Variants in FLT4 observed in about 807,000 individuals in gnomAD.
FLT4 encodes the protein vascular endothelial growth factor receptor 3.
A neutral mutation model predicts 163.2 loss-of-function variants in FLT4; 30 were observed. The ratio of observed to expected loss-of-function variants is 0.18; its 90% confidence interval spans 0.14 to 0.25. The LOEUF (loss-of-function observed/expected upper bound fraction) is 0.25, where lower values mean the gene tolerates loss of function less well. Among genes scored for constraint, FLT4 ranks in the 10% least tolerant of loss-of-function variants. The pLI, the probability that FLT4 is intolerant of heterozygous loss-of-function variation, is 1.00. For missense variants in FLT4, 1,510 were observed against 1,863.8 expected (o/e 0.81, Z 3.50); for synonymous variants, 884 against 789.5 (o/e 1.12, Z -2.01).
chr5:180,645,417 C>A (rs971732465), intron 1 of FLT4, among the ~76,000 whole-genome samples: 3 of 152,222 alleles, frequency 2.0e-5, no homozygotes, highest in Admixed American at 1.3e-4. Flanking sequence ...GCAGGACGAG[C>A]GGCGTTATCA....
At position 180,629,972 on chromosome 5, in the gene FLT4, A is replaced by G. The variant is rs1277210047; in HGVS notation, c.647T>C (p.Leu216Pro). The change falls in exon 5 of 30, where the codon CTT becomes CCT. Residue 216 changes from leucine to proline, a missense_variant. Physicochemically the swap from Leu to Pro is moderately conservative, Grantham distance 98. This residue lies in a region of FLT4 where 163 missense variants were observed against 281.1 expected (regional missense o/e 0.58). Transcript: ENST00000261937. ...GATGTGCACCAGGAAGGGGTTGGAA[A>G]GGAAGTCCTGGTCTCCCCAGGTGGT... is the stretch of plus-strand genomic sequence containing the variant. ...CETTWGDQDF[L>P]SNPFLVHITG... 6.2e-7 allele frequency: 1 copy of G among 1,612,764 alleles called. No homozygotes were observed. The highest frequency in any genetic ancestry group is 8.5e-7 in the Non-Finnish European group (1 of 1,180,030).
In FLT4 at chr5:180,620,584, A is replaced by G; in HGVS notation, c.2406+25T>C. ...GTGGGGAAGGCCTGAGAGAGACTCC[A>G]TCAGGAGCGGGGAGGGACACTCACC... On this transcript the variant is annotated intron_variant, in intron 16 of 29. Coordinates refer to ENST00000261937, the MANE Select transcript of FLT4 (RefSeq NM_182925.5). The surrounding 1 kb of genome is among the most constrained non-coding windows in gnomAD (Gnocchi z 4.4). 1.3e-6 allele frequency: 2 copies of G among 1,529,500 alleles called. No individual in the cohort carries two copies. Among genetic ancestry groups the G allele is most frequent in the Admixed American group, 1.7e-5 (1 of 59,816 alleles). 94.7% of individuals were successfully genotyped at this position (1,529,500 alleles called of 1,614,324 possible). A position where few individuals can be genotyped will look rare whatever the true frequency, so the allele number is the denominator to read the frequency against.
rs1763053001 is a variant in FLT4 at position 180,620,613 on chromosome 5, C to T, written c.2402G>A (p.Arg801Lys). 6.2e-7 allele frequency: 1 copy of T among 1,609,492 alleles called. No individual in the cohort carries two copies. Among genetic ancestry groups the T allele is most frequent in the African/African-American group, 1.3e-5 (1 of 74,808 alleles). ...VLLLLIFCNM[R>K]RPAHADIKTG... ...GGAGCGGGGAGGGACACTCACCCTCCTCATGTTACAGAAGATGAGGAGGAG... is the reference window on the plus strand; with the variant it reads ...GGAGCGGGGAGGGACACTCACCCTCTTCATGTTACAGAAGATGAGGAGGAG... The change falls in exon 16 of 30, where the codon AGG becomes AAG. Residue 801 changes from arginine to lysine, a missense_variant. Physicochemically the swap from Arg to Lys is conservative, Grantham distance 26. This residue lies in a region of FLT4 where 878 missense variants were observed against 1,016.7 expected (regional missense o/e 0.86). Transcript: ENST00000261937. This position sits in a 1 kb window ranked among gnomAD's most constrained non-coding sequence, Gnocchi z 4.4.
intron 24 of FLT4, 153 bp downstream of exon 24, chr5:180,613,915 G>A (rs1226795382): frequency 7.1e-6 from 5 of 703,438 alleles, no homozygotes; most frequent in Middle Eastern, 2.5e-4. Context: ...GGGGAGAGGT[G>A]GGGGGCCCTT....
rs1761564469 is a variant in FLT4, at chr5:180,602,474, C to T, written c.*718G>A. 1 of 397,578 alleles carries T rather than the reference C, an allele frequency of 2.5e-6. No homozygotes were observed. Among genetic ancestry groups the T allele is most frequent in the Non-Finnish European group, 4.4e-6 (1 of 225,752 alleles). 24.6% of individuals were successfully genotyped at this position (397,578 alleles called of 1,614,324 possible). On this transcript the variant is annotated 3_prime_UTR_variant, in exon 30 of 30. Coordinates refer to ENST00000261937, the MANE Select transcript of FLT4 (RefSeq NM_182925.5). ...GGCTGAATTCGGAAAGCAAATTCTTCTCAGCAGCTCTAACAGTCTGTGAAG... is the reference window on the plus strand; with the variant it reads ...GGCTGAATTCGGAAAGCAAATTCTTTTCAGCAGCTCTAACAGTCTGTGAAG...
rs201381663 is a variant in FLT4 at position 180,603,233 on chromosome 5, G to A, written c.4051C>T (p.Pro1351Ser). ...SEPSEEDHCS[P>S]SARVTFFTDN... ...GTGAAGAAAGTCACGCGGGCAGACGGGGAGCAGTGGTCCTCCTCGCTTGGC... is the reference window on the plus strand; with the variant it reads ...GTGAAGAAAGTCACGCGGGCAGACGAGGAGCAGTGGTCCTCCTCGCTTGGC... Residue 1351 changes from proline (P) to serine (S), a missense_variant, in exon 30 of 30, where the codon CCG becomes TCG. Around this residue, in one of 5 missense-constraint regions of FLT4, gnomAD observed 295 missense variants for 311.0 expected, o/e 0.95. Transcript: ENST00000261937. The A allele has an allele frequency of 1.5e-5, 25 of 1,614,034 alleles. No homozygotes were observed. The highest frequency in any genetic ancestry group is 1.9e-5 in the Non-Finnish European group (22 of 1,180,046).
chr5:180,631,914 CGTGGCCTGGCCTCA>C (rs530190213), intron 1 of FLT4, 136 bp from the exon 2 acceptor site: 389,802 of 678,414 alleles, frequency 0.57, 113,432 homozygotes, highest in Admixed American at 0.64. Flanking sequence ...GCCAGCACCG[CGTGGCCTGGCCTCA>C]CCATGTGCGC....
At chr5:180,622,600 T>G in intron 12 of FLT4, 131 bp downstream of exon 12, 1 of 697,896 alleles carries the variant, frequency 1.4e-6, no homozygotes, top group Non-Finnish European at 2.6e-6. Flanking sequence ...AAATCTATTT[T>G]TCCTGTCTAC....
intron 1 of FLT4, among the ~76,000 whole-genome samples, chr5:180,640,278 C>A (rs1765006641): frequency 6.6e-6 from 1 of 152,226 alleles, no homozygotes; most frequent in Admixed American, 6.5e-5. Context: ...GGCTCAACAG[C>A]CAGGTCAGCG....
upstream of FLT4, chr5:180,649,725 C>CCGGTGCACCCGAG (rs1430451525): frequency 5.4e-6 from 1 of 186,412 alleles, no homozygotes; most frequent in African/African-American, 2.4e-5. Flanking sequence ...CGCGGGGCGT[C>CCGGTGCACCCGAG]CGGTGCACCC....
chr5:180,619,635 G>T (rs2127809306), intron 18 of FLT4, 30 bp downstream of exon 18: 1 of 1,559,250 alleles, frequency 6.4e-7, no homozygotes, highest in East Asian at 2.2e-5. Context: ...TCACCAGCTA[G>T]GCTGCCCCTT....
chr5:180,602,510 A>G lies in FLT4; in HGVS notation c.*682T>C. 1 of 398,832 alleles carries G rather than the reference A, an allele frequency of 2.5e-6. No individual in the cohort carries two copies. Among genetic ancestry groups the G allele is most frequent in the Non-Finnish European group, 4.4e-6 (1 of 226,598 alleles). 24.7% of individuals were successfully genotyped at this position (398,832 alleles called of 1,614,324 possible). On this transcript the variant is annotated 3_prime_UTR_variant, in exon 30 of 30. Coordinates refer to ENST00000261937, the MANE Select transcript of FLT4 (RefSeq NM_182925.5). ...TAACAGTCTGTGAAGTTCTGTTGAA[A>G]AAGACTTGCAGGATGGCTCTCAACA... is the stretch of plus-strand genomic sequence containing the variant.
chr5:180,632,376 T>C (rs955042672), intron 1 of FLT4, among the ~76,000 whole-genome samples: 2 of 151,392 alleles, frequency 1.3e-5, no homozygotes, highest in Admixed American at 1.3e-4. Context: ...TCTCGCACCC[T>C]CACAGACCCT....
chr5:180,643,357 C>T (rs1171120975), intron 1 of FLT4, among the ~76,000 whole-genome samples: 2 of 152,210 alleles, frequency 1.3e-5, no homozygotes, highest in African/African-American at 4.8e-5. Flanking sequence ...CTGCCCCCAC[C>T]TCTCCTCACC....
intron 23 of FLT4, among the ~76,000 whole-genome samples, chr5:180,614,849 G>A (rs1762513316): frequency 6.6e-6 from 1 of 152,034 alleles, no homozygotes; most frequent in Non-Finnish European, 1.5e-5. Context: ...CCAGGCCCTG[G>A]GCCCATCCTG....
intron 1 of FLT4, among the ~76,000 whole-genome samples, chr5:180,633,275 G>A (rs924938800): frequency 6.6e-6 from 1 of 152,156 alleles, no homozygotes; most frequent in Non-Finnish European, 1.5e-5. Flanking sequence ...ACTTCACTAC[G>A]GGTCCAGAGC....
At chr5:180,645,501 G>C (rs1765446960) in intron 1 of FLT4, among the ~76,000 whole-genome samples, 1 of 152,232 alleles carries the variant, frequency 6.6e-6, no homozygotes, top group African/African-American at 2.4e-5. Flanking sequence ...CGCAGGAAGA[G>C]GGAAATGCAG....
intron 29 of FLT4, chr5:180,608,038 G>A (rs971811008): frequency 2.9e-6 from 2 of 696,230 alleles, no homozygotes; most frequent in East Asian, 2.7e-5. Context: ...CCAGCTTCTT[G>A]TGGGAGGCTG....
rs145754327 is a variant in FLT4, at chr5:180,636,686, G to A, written c.59-4908C>T. ...TCCTGAATCACTCAGTTCTGTGGGC[G>A]CATCCTGGACCTGGTCATCACCAGA... On this transcript the variant is annotated intron_variant, in intron 1 of 29. Transcript: ENST00000261937. This position sits in a 1 kb window ranked among gnomAD's most constrained non-coding sequence, Gnocchi z 4.3. 8.0e-3 allele frequency among the ~76,000 whole-genome samples: 1,210 copies of A among 152,030 alleles called. 8 individuals carry two copies. The highest frequency in any genetic ancestry group is 0.02 in the Middle Eastern group (6 of 294).
Sources: gnomAD v4.1 joint callset for allele counts (sites outside exome capture counted in the v4.1 genomes callset) on GRCh38, gnomAD v4.1.1 for gene constraint, gnomAD v4.1.1 regional missense constraint, Gnocchi (gnomAD v3.1) non-coding constraint, MANE v1.5 for transcripts, NCBI Gene and HGNC (gene_info 2026-07-23, HGNC 2026-07-21) for gene names.